Variants in GRXCR2 observed in about 807,000 individuals in gnomAD.
GRXCR2 encodes glutaredoxin and cysteine rich domain containing 2.
Under a neutral mutation model 24.8 loss-of-function variants are expected in GRXCR2, and 23 were observed. That is an observed-to-expected ratio of 0.93 (90% CI 0.67 to 1.32). The LOEUF (loss-of-function observed/expected upper bound fraction) is 1.32. Among genes scored for constraint, GRXCR2 ranks in the 40% most tolerant of loss-of-function variants. GRXCR2 has a pLI of 0.00. For missense variants in GRXCR2, 315 were observed against 303.4 expected, an observed-to-expected ratio of 1.04 and a Z score of -0.28; for synonymous variants, 130 against 116.1, an observed-to-expected ratio of 1.12 and a Z score of -0.77.
intron 2 of GRXCR2, among the ~76,000 whole-genome samples, chr5:145,928,258 T>A (rs1024991352): frequency 1.3e-5 from 2 of 151,994 alleles, no homozygotes; most frequent in African/African-American, 2.4e-5. Context: ...AAACAACAGG[T>A]GCTGGAGAGG....
chr5:145,867,495 C>T (rs1756457172), intron 1 of GRXCR2, among the ~76,000 whole-genome samples: 1 of 152,144 alleles, frequency 6.6e-6, no homozygotes, highest in Non-Finnish European at 1.5e-5. Context: ...AAATAGACTT[C>T]TAAAGCATCA....
chr5:145,877,046 A>G (rs931416078), upstream of GRXCR2, among the ~76,000 whole-genome samples: 31 of 152,164 alleles, frequency 2.0e-4, 1 homozygote, highest in African/African-American at 7.2e-4. Context: ...GTCTGTGATA[A>G]GTTTGTCTTA....
intron 2 of GRXCR2, among the ~76,000 whole-genome samples, chr5:145,880,082 G>A (rs1238130732): frequency 2.6e-5 from 4 of 152,152 alleles, no homozygotes; most frequent in Non-Finnish European, 4.4e-5. Flanking sequence ...ATGCCCACAA[G>A]AGAAAGCAGG....
intron 2 of GRXCR2, among the ~76,000 whole-genome samples, chr5:145,889,176 GAAA>G (rs1756822305): frequency 1.4e-5 from 1 of 73,618 alleles, no homozygotes; most frequent in Non-Finnish European, 2.7e-5. Flanking sequence ...CTCAAAAAAA[GAAA>G]GAAAGAAAGA....
intron 2 of GRXCR2, among the ~76,000 whole-genome samples, chr5:145,918,010 C>T (rs1366863275): frequency 1.3e-5 from 2 of 152,148 alleles, no homozygotes; most frequent in Admixed American, 1.3e-4. Flanking sequence ...GATCTCCTGA[C>T]CTCGTGATCT....
At chr5:145,888,298 T>C (rs1756803676) in intron 2 of GRXCR2, among the ~76,000 whole-genome samples, 1 of 152,124 alleles carries the variant, frequency 6.6e-6, no homozygotes, top group Non-Finnish European at 1.5e-5. Flanking sequence ...CTACTAAGTC[T>C]AAAGCATGGG....
chr5:145,917,515 G>A (rs189061757), intron 2 of GRXCR2, among the ~76,000 whole-genome samples: 4 of 152,196 alleles, frequency 2.6e-5, no homozygotes, highest in African/African-American at 9.6e-5. Context: ...TGAGTGCCAG[G>A]TCCTGTGCTC....
intron 2 of GRXCR2, among the ~76,000 whole-genome samples, chr5:145,919,594 T>G (rs919393932): frequency 6.1e-4 from 93 of 152,250 alleles, no homozygotes; most frequent in African/African-American, 2.2e-3. Flanking sequence ...AAGAAGGGTT[T>G]AAGTATTGGG....
chr5:145,904,497 T>C (rs1757065012), intron 2 of GRXCR2, among the ~76,000 whole-genome samples: 3 of 152,306 alleles, frequency 2.0e-5, no homozygotes, highest in East Asian at 1.9e-4. Flanking sequence ...AGGAGGTAGG[T>C]TGCCTTCCTG....
chr5:145,876,216 T>TATATAC (rs1420891903), upstream of GRXCR2, among the ~76,000 whole-genome samples: 255 of 133,874 alleles, frequency 1.9e-3, 1 homozygote, highest in Middle Eastern at 7.8e-3. Context: ...TATATATATA[T>TATATAC]ACACACACAC....
chr5:145,909,927 C>G (rs1383457936), intron 2 of GRXCR2, among the ~76,000 whole-genome samples: 1 of 152,144 alleles, frequency 6.6e-6, no homozygotes, highest in Non-Finnish European at 1.5e-5. Flanking sequence ...TGCACATTTA[C>G]AAGGCTAACA....
At position 145,870,531 on chromosome 5, in the gene GRXCR2, G is replaced by C. The variant is rs367883333; in HGVS notation, c.336+2102C>G. ...CCTTTAGGCAATTGAGAATAATGCTGCTATGAACAATGTTGTACATATATC... is the reference window on the plus strand; with the variant it reads ...CCTTTAGGCAATTGAGAATAATGCTCCTATGAACAATGTTGTACATATATC... On this transcript the variant is annotated intron_variant, in intron 1 of 2. Coordinates refer to ENST00000377976, the MANE Select transcript of GRXCR2 (RefSeq NM_001080516.2). Among the ~76,000 whole-genome samples the C allele has an allele frequency of 2.4e-4, 37 of 152,210 alleles. No individual in the cohort carries two copies. The South Asian group carries it at 6.2e-3, about 26-fold the overall frequency.
intron 2 of GRXCR2, among the ~76,000 whole-genome samples, chr5:145,915,720 C>G (rs138607860): frequency 6.6e-6 from 1 of 150,500 alleles, no homozygotes; most frequent in African/African-American, 2.4e-5. Flanking sequence ...GGTGACAGAG[C>G]AACACTTCAT....
chr5:145,928,637 C>G (rs925675679), intron 2 of GRXCR2, among the ~76,000 whole-genome samples: 6 of 151,168 alleles, frequency 4.0e-5, no homozygotes, highest in Non-Finnish European at 8.8e-5. Context: ...TCATTCTTAG[C>G]AAACTATCGC....
chr5:145,885,469 A>C (rs1756766834), intron 2 of GRXCR2, among the ~76,000 whole-genome samples: 1 of 152,064 alleles, frequency 6.6e-6, no homozygotes, highest in Non-Finnish European at 1.5e-5. Flanking sequence ...TCTCCCTCTG[A>C]TGAGGAGTCC....
rs186767761 is a variant in GRXCR2, at chr5:145,904,776, G to A, written c.-70+30925C>T. Among the ~76,000 whole-genome samples the A allele has an allele frequency of 2.0e-3, 302 of 152,318 alleles. 1 individual carries two copies. Among genetic ancestry groups the A allele is most frequent in the African/African-American group, 6.8e-3 (283 of 41,574 alleles). The stretch of plus-strand genomic sequence containing the variant: ...TTGTATTCCCTCTCATGGTTCTGCA[G>A]CTGGAGTTTCAGCCATCTAGAGGCT... On this transcript the variant is annotated intron_variant, in intron 2 of 3. Coordinates refer to the GRXCR2 transcript ENST00000639411.
chr5:145,863,665 T>C (rs1400849179), intron 2 of GRXCR2, among the ~76,000 whole-genome samples: 2 of 152,178 alleles, frequency 1.3e-5, no homozygotes, highest in East Asian at 3.9e-4. Context: ...TAGGTTCTTT[T>C]TTAAAAATTT....
At chr5:145,893,620 C>A (rs1307993940) in intron 2 of GRXCR2, among the ~76,000 whole-genome samples, 1 of 152,134 alleles carries the variant, frequency 6.6e-6, no homozygotes, top group Admixed American at 6.5e-5. Flanking sequence ...CAGGAGCACC[C>A]AGATTCATAA....
intron 2 of GRXCR2, among the ~76,000 whole-genome samples, chr5:145,889,371 C>A (rs1159243685): frequency 6.6e-6 from 1 of 151,918 alleles, no homozygotes; most frequent in Non-Finnish European, 1.5e-5. Context: ...TCACAAATCA[C>A]CACTAAAGAA....
Sources: gnomAD v4.1 joint callset for allele counts (sites outside exome capture counted in the v4.1 genomes callset) on GRCh38, gnomAD v4.1.1 for gene constraint, MANE v1.5 for transcripts, NCBI Gene and HGNC (gene_info 2026-07-23, HGNC 2026-07-21) for gene names.